APBA2: variants seen among roughly 807,000 people sequenced by gnomAD.
APBA2 encodes amyloid-beta A4 precursor protein-binding family A member 2.
APBA2 carries 30 observed loss-of-function variants against 75.0 expected under a neutral mutation model. The observed-to-expected ratio is 0.40, with a 90% CI of 0.30 to 0.54. The LOEUF (loss-of-function observed/expected upper bound fraction) is 0.54, where lower values mean the gene tolerates loss of function less well. Among genes scored for constraint, APBA2 ranks in the 20% least tolerant of loss-of-function variants. The probability of loss-of-function intolerance (pLI) is 0.49; values close to 1 mark genes in which losing one functional copy is unlikely to be tolerated. For synonymous variants in APBA2, 444 were observed against 409.6 expected (o/e 1.08, Z -1.01); for missense variants, 801 against 1,016.1 (o/e 0.79, Z 2.88).
intron 13 of APBA2, among the ~76,000 whole-genome samples, chr15:29,110,854 G>A (rs969664694): frequency 2.6e-5 from 4 of 152,186 alleles, no homozygotes; most frequent in African/African-American, 7.2e-5. Context: ...GCTGGAGAGT[G>A]CAATGGGCAG....
intron 6 of APBA2, among the ~76,000 whole-genome samples, chr15:29,084,652 C>T (rs145568130): frequency 0.011 from 1,608 of 152,270 alleles, 28 homozygotes; most frequent in African/African-American, 0.037. Context: ...GTTTACAGGG[C>T]GCTGTTTGAA....
chr15:28,984,935 CT>C (rs1456356336), intron 2 of APBA2, among the ~76,000 whole-genome samples: 9 of 151,960 alleles, frequency 5.9e-5, no homozygotes, highest in African/African-American at 2.2e-4. Context: ...CTCTCTCTCT[CT>C]CCCTCTCTCC....
intron 2 of APBA2, among the ~76,000 whole-genome samples, chr15:28,933,163 C>G (rs1187587877): frequency 6.6e-6 from 1 of 152,152 alleles, no homozygotes; most frequent in African/African-American, 2.4e-5. Context: ...ACCTAATCAC[C>G]TCTTAAAGGT....
At position 28,886,111 on chromosome 15, in the gene APBA2, C is replaced by T. The variant is rs1393801554; in HGVS notation, c.-372C>T. 6.7e-6 allele frequency: 1 copy of T among 149,836 alleles called. No homozygotes were observed. The highest frequency in any genetic ancestry group is 2.1e-4 in the South Asian group (1 of 4,828). The allele number at this position is 149,836 out of a possible 1,614,324, so 9.3% of individuals were successfully genotyped here. ...CGGCCCTGCGTGCCGTACGCTGCGT[C>T]CGGGGCGCGCCCGCCGCTATTCGGG... On this transcript the variant is annotated 5_prime_UTR_variant, in exon 1 of 15. Coordinates refer to ENST00000683413, the MANE Select transcript of APBA2 (RefSeq NM_001353788.2).
At chr15:29,006,853 T>A (rs1226687006) in intron 3 of APBA2, among the ~76,000 whole-genome samples, 1 of 152,232 alleles carries the variant, frequency 6.6e-6, no homozygotes, top group South Asian at 2.1e-4. Flanking sequence ...ATCTACAGAT[T>A]CATTGCAATC....
intron 2 of APBA2, among the ~76,000 whole-genome samples, chr15:28,947,071 A>G (rs567713779): frequency 3.2e-4 from 48 of 152,290 alleles, no homozygotes; most frequent in Admixed American, 5.2e-4. Context: ...CTCAAGTCCT[A>G]TGTCATCGTC....
At position 29,054,354 on chromosome 15, in the gene APBA2, G is replaced by T; in HGVS notation, c.470G>T (p.Ser157Ile). ...PHPHGHEAEG[S>I]QDYPDGQLPI... ...CCCCACGGCCACGAGGCTGAAGGCAGCCAGGACTACCCAGACGGCCAACTG... is the reference window on the plus strand; with the variant it reads ...CCCCACGGCCACGAGGCTGAAGGCATCCAGGACTACCCAGACGGCCAACTG... Residue 157 changes from serine (S) to isoleucine (I), a missense_variant, in exon 4 of 15, where the codon AGC (serine) becomes ATC (isoleucine). This residue lies in a region of APBA2 where 434 missense variants were observed against 471.6 expected (regional missense o/e 0.92). Coordinates refer to ENST00000683413, the MANE Select transcript of APBA2 (RefSeq NM_001353788.2). The surrounding 1 kb of genome is among the most constrained non-coding windows in gnomAD (Gnocchi z 6.1). 6.2e-7 allele frequency: 1 copy of T among 1,614,110 alleles called. No individual in the cohort carries two copies. The highest frequency in any genetic ancestry group is 8.5e-7 in the Non-Finnish European group (1 of 1,180,032).
At chr15:29,068,790 C>G (rs147241473) in intron 4 of APBA2, among the ~76,000 whole-genome samples, 1 of 152,320 alleles carries the variant, frequency 6.6e-6, no homozygotes, top group Non-Finnish European at 1.5e-5. Context: ...TGAAGGGGCT[C>G]TCACAGGGCA....
intron 4 of APBA2, among the ~76,000 whole-genome samples, chr15:29,057,842 G>T (rs1462860172): frequency 1.3e-5 from 2 of 152,100 alleles, no homozygotes; most frequent in East Asian, 3.9e-4. Flanking sequence ...TATTACCTGA[G>T]GATAAATCCC....
chr15:29,057,907 C>T (rs867693423), intron 4 of APBA2, among the ~76,000 whole-genome samples: 2 of 152,196 alleles, frequency 1.3e-5, no homozygotes, highest in African/African-American at 4.8e-5. Flanking sequence ...CTAATTGTTT[C>T]CCTTCTTCTG....
At chr15:29,016,577 G>A (rs74007037) in intron 3 of APBA2, among the ~76,000 whole-genome samples, 4,312 of 152,240 alleles carry the variant, frequency 0.028, 203 homozygotes, top group African/African-American at 0.099. Context: ...GGATTATTAG[G>A]AGGGAAGGTT....
intron 3 of APBA2, among the ~76,000 whole-genome samples, chr15:29,010,156 T>C (rs1485518551): frequency 6.6e-6 from 1 of 152,234 alleles, no homozygotes; most frequent in Non-Finnish European, 1.5e-5. Flanking sequence ...TGAATATCTC[T>C]TTCGAATACT....
At chr15:28,948,381 G>GAAA (rs57863257) in intron 2 of APBA2, among the ~76,000 whole-genome samples, 3 of 146,238 alleles carry the variant, frequency 2.1e-5, no homozygotes, top group African/African-American at 7.5e-5. Flanking sequence ...ATTATTTTTG[G>GAAA]AAAAAAAAAA....
intron 2 of APBA2, among the ~76,000 whole-genome samples, chr15:28,953,185 G>A (rs367661219): frequency 4.7e-4 from 72 of 152,122 alleles, no homozygotes; most frequent in African/African-American, 1.6e-3. Flanking sequence ...CCCTACCAGC[G>A]TTTGTGCAGA....
intron 2 of APBA2, chr15:28,977,085 T>G (rs991070638): frequency 2.6e-5 from 4 of 152,218 alleles, no homozygotes; most frequent in African/African-American, 9.7e-5. Context: ...TGTGAGTATG[T>G]GAGCCTTAGT....
intron 6 of APBA2, among the ~76,000 whole-genome samples, chr15:29,084,078 C>T (rs1226006100): frequency 6.6e-6 from 1 of 152,146 alleles, no homozygotes; most frequent in Non-Finnish European, 1.5e-5. Context: ...TATTTTTCAA[C>T]ATGTTGCTGT....
intron 4 of APBA2, among the ~76,000 whole-genome samples, chr15:29,073,013 C>T (rs1290929745): frequency 2.0e-5 from 3 of 152,222 alleles, no homozygotes; most frequent in Admixed American, 2.0e-4. Context: ...CTCTGAAATC[C>T]GGTGGTGTCT....
chr15:28,941,459 A>G (rs574315615), intron 2 of APBA2, among the ~76,000 whole-genome samples: 1 of 151,708 alleles, frequency 6.6e-6, no homozygotes, highest in African/African-American at 2.4e-5. Context: ...AACCATGGGA[A>G]ATGCTGTGTG....
intron 3 of APBA2, among the ~76,000 whole-genome samples, chr15:29,045,386 G>A (rs529045734): frequency 9.4e-4 from 142 of 151,602 alleles, no homozygotes; most frequent in African/African-American, 2.9e-3. Context: ...CACCACGCCC[G>A]GCCTGGGGTC....
Sources: allele counts gnomAD v4.1 joint callset (sites outside exome capture counted in the v4.1 genomes callset), GRCh38; gene constraint gnomAD v4.1.1; regional missense constraint gnomAD v4.1.1; non-coding constraint Gnocchi (gnomAD v3.1); transcripts MANE v1.5; gene names NCBI Gene and HGNC (gene_info 2026-07-23, HGNC 2026-07-21).